Variants in FSTL4 observed in about 807,000 individuals in gnomAD.
The protein encoded by FSTL4 is follistatin like 4.
Under a neutral mutation model 78.2 loss-of-function variants are expected in FSTL4, and 28 were observed. That is an observed-to-expected ratio of 0.36 (90% confidence interval 0.27 to 0.49). The LOEUF (loss-of-function observed/expected upper bound fraction) is 0.49. Ranked by LOEUF, FSTL4 falls within the 20% of genes least tolerant of loss-of-function variation. The pLI is 0.98. For synonymous variants in FSTL4, 422 were observed against 440.5 expected (o/e 0.96, Z 0.53); for missense variants, 922 against 1,084.9 (o/e 0.85, Z 2.11).
rs530682177 is a variant in FSTL4, at chr5:133,360,028, C to T, written c.409+40710G>A. Among the ~76,000 whole-genome samples, 6 of 152,346 alleles carry T rather than the reference C, an allele frequency of 3.9e-5. No homozygotes were observed. In the South Asian group the frequency reaches 1.2e-3, roughly 32 times the overall value. The stretch of plus-strand genomic sequence containing the variant: ...ACCCCATAAGTGGGTTCCAAGAGAA[C>T]AGATTTCCTGAAGTGCTGCCCAGGA... On this transcript the variant is annotated intron_variant, in intron 4 of 15. Transcript: ENST00000265342.
intron 6 of FSTL4, among the ~76,000 whole-genome samples, chr5:133,271,728 C>T (rs1476934341): frequency 4.6e-5 from 7 of 152,152 alleles, no homozygotes; most frequent in Admixed American, 1.3e-4. Flanking sequence ...TTTTATGTAA[C>T]TAATTATGAC....
rs61206159 is a variant in FSTL4 at position 133,307,783 on chromosome 5, CT to C, written c.727+4870del. On this transcript the variant is annotated intron_variant, in intron 6 of 15. Coordinates refer to ENST00000265342, the MANE Select transcript of FSTL4 (RefSeq NM_015082.2). ...CTCACACCTTCTGTCTCCCAATTTTCTTTTTTTTTTTTTTTGAGATGGAGTC... is the reference window on the plus strand; with the variant it reads ...CTCACACCTTCTGTCTCCCAATTTTCTTTTTTTTTTTTTTGAGATGGAGTC... Among the ~76,000 whole-genome samples, 222 of 137,172 alleles carry C rather than the reference CT, an allele frequency of 1.6e-3. 2 individuals are homozygous for C. In the South Asian group the frequency reaches 0.024, roughly 15 times the overall value. The allele number at this position is 137,172 out of a possible 152,430, so 90.0% of individuals were successfully genotyped here. A position where few individuals can be genotyped will look rare whatever the true frequency, so the allele number is the denominator to read the frequency against.
At chr5:133,504,350 A>G (rs1354423610) in intron 3 of FSTL4, among the ~76,000 whole-genome samples, 1 of 152,072 alleles carries the variant, frequency 6.6e-6, no homozygotes, top group Non-Finnish European at 1.5e-5. Context: ...CTCCTCAAAC[A>G]TAGGGAAAAA....
rs185320194 is a variant in FSTL4, at chr5:133,290,970, G to A, written c.727+21684C>T. ...GTGCTGGGCTTCCCACTCTTGTGCC[G>A]CATCTCCCAGCCCCTCAGTCTCCCT... On this transcript the variant is annotated intron_variant, in intron 6 of 15. Transcript: ENST00000265342. Among the ~76,000 whole-genome samples, 174 of 152,330 alleles carry A rather than the reference G, an allele frequency of 1.1e-3. 3 individuals are homozygous for A. The East Asian group carries it at 0.014, about 12-fold the overall frequency.
In FSTL4 at chr5:133,519,010, C is replaced by T. The variant is rs552365059; in HGVS notation, c.160+48176G>A. ...GTGAAAGAAGAAAGACTATTATTAG[C>T]ACCACTTTACAAATAAAAGTATGAG... On this transcript the variant is annotated intron_variant, in intron 3 of 15. Transcript: ENST00000265342. 2.0e-5 allele frequency among the ~76,000 whole-genome samples: 3 copies of T among 152,308 alleles called. No individual in the cohort carries two copies. In the East Asian group the frequency reaches 5.8e-4, roughly 29 times the overall value.
chr5:133,599,009 C>G (rs553628103), intron 2 of FSTL4, among the ~76,000 whole-genome samples: 1 of 152,288 alleles, frequency 6.6e-6, no homozygotes, highest in Admixed American at 6.5e-5. Context: ...GGGCAGATCT[C>G]AAGCCCTACA....
intron 3 of FSTL4, among the ~76,000 whole-genome samples, chr5:133,493,794 C>T (rs909593861): frequency 5.9e-5 from 9 of 152,144 alleles, no homozygotes; most frequent in African/African-American, 2.2e-4. Flanking sequence ...GAAAAATAAA[C>T]ATTTTCCCCA....
intron 4 of FSTL4, among the ~76,000 whole-genome samples, chr5:133,380,072 AAT>A (rs200667306): frequency 0.11 from 15,614 of 144,666 alleles, 857 homozygotes; most frequent in South Asian, 0.13. Flanking sequence ...CAAAAAAAAA[AAT>A]AAAATAAAAT....
the FSTL4 span, among the ~76,000 whole-genome samples, chr5:133,698,861 C>T: frequency 1.3e-5 from 2 of 152,244 alleles, no homozygotes; most frequent in Non-Finnish European, 2.9e-5. Flanking sequence ...TTCTGTGAGA[C>T]CTGGTGGGTT....
At chr5:133,447,013 G>A (rs1757278974) in intron 3 of FSTL4, among the ~76,000 whole-genome samples, 1 of 152,174 alleles carries the variant, frequency 6.6e-6, no homozygotes, top group Admixed American at 6.5e-5. Flanking sequence ...ACATCTTTCA[G>A]CTCTTCAGGA....
chr5:133,825,694 A>T, the FSTL4 span, among the ~76,000 whole-genome samples: 4 of 152,212 alleles, frequency 2.6e-5, no homozygotes, highest in African/African-American at 9.7e-5. Flanking sequence ...CTGGCGTCCC[A>T]TGCTTGAGTG....
chr5:133,449,850 G>A (rs1024948641), intron 3 of FSTL4, among the ~76,000 whole-genome samples: 1 of 152,156 alleles, frequency 6.6e-6, no homozygotes, highest in African/African-American at 2.4e-5. Context: ...GAAATGGAGG[G>A]CAAATTGGAT....
chr5:133,819,349 C>T, the FSTL4 span, among the ~76,000 whole-genome samples: 6 of 152,052 alleles, frequency 3.9e-5, no homozygotes, highest in South Asian at 2.1e-4. Context: ...CAGGAATGCC[C>T]GGACCACCAA....
chr5:133,419,894 C>T (rs973770357), intron 3 of FSTL4, among the ~76,000 whole-genome samples: 22 of 152,142 alleles, frequency 1.4e-4, no homozygotes, highest in African/African-American at 4.8e-4. Context: ...TGCTTATTTG[C>T]CACTCATAGG....
intron 6 of FSTL4, among the ~76,000 whole-genome samples, chr5:133,306,997 A>ACTT (rs1753672603): frequency 6.6e-6 from 1 of 152,146 alleles, no homozygotes; most frequent in Non-Finnish European, 1.5e-5. Context: ...GCTACTAATC[A>ACTT]CTTTACATTA....
At chr5:133,390,037 T>C (rs1755805393) in intron 4 of FSTL4, among the ~76,000 whole-genome samples, 1 of 152,214 alleles carries the variant, frequency 6.6e-6, no homozygotes, top group Admixed American at 6.5e-5. Context: ...GGGCATACCT[T>C]AGCCAACTGA....
At chr5:133,482,934 A>G (rs1758059338) in intron 3 of FSTL4, among the ~76,000 whole-genome samples, 1 of 152,202 alleles carries the variant, frequency 6.6e-6, no homozygotes, top group Non-Finnish European at 1.5e-5. Flanking sequence ...GCAGGCTGTC[A>G]TGGACCAAAG....
intron 3 of FSTL4, among the ~76,000 whole-genome samples, chr5:133,454,504 C>T (rs1225394722): frequency 2.0e-5 from 3 of 152,226 alleles, no homozygotes; most frequent in Admixed American, 6.5e-5. Context: ...CAGCAGCAGT[C>T]GCTGGATCTC....
chr5:133,631,386 A>G, the FSTL4 span, among the ~76,000 whole-genome samples: 1 of 152,192 alleles, frequency 6.6e-6, no homozygotes, highest in African/African-American at 2.4e-5. Flanking sequence ...CGGCCAACAA[A>G]CTATGAAAAA....
Sources: gnomAD v4.1 joint callset for allele counts (sites outside exome capture counted in the v4.1 genomes callset) on GRCh38, gnomAD v4.1.1 for gene constraint, MANE v1.5 for transcripts, NCBI Gene and HGNC (gene_info 2026-07-23, HGNC 2026-07-21) for gene names.